The following INPP4B variants were observed in gnomAD, a reference collection of about 807,000 sequenced individuals.
INPP4B encodes inositol polyphosphate-4-phosphatase type II B.
A neutral mutation model predicts 122.5 loss-of-function variants in INPP4B; 55 were observed. The observed-to-expected ratio is 0.45, with a 90% CI of 0.36 to 0.56. The LOEUF (loss-of-function observed/expected upper bound fraction) is 0.56, where lower values mean the gene tolerates loss of function less well. INPP4B is among the 20% of genes least tolerant of loss of function. The pLI is 0.00. For synonymous variants in INPP4B, 403 were observed against 388.7 expected, an observed-to-expected ratio of 1.04 and a Z score of -0.43; for missense variants, 1,000 against 1,097.7, an observed-to-expected ratio of 0.91 and a Z score of 1.26.
intron 3 of INPP4B, among the ~76,000 whole-genome samples, chr4:142,453,074 CTG>C (rs765421020): frequency 3.9e-5 from 6 of 152,074 alleles, no homozygotes; most frequent in Non-Finnish European, 7.4e-5. Flanking sequence ...TTCAAACAAA[CTG>C]AAAATTCCAA....
chr4:142,700,626 C>A (rs1761623288), intron 2 of INPP4B, among the ~76,000 whole-genome samples: 1 of 152,004 alleles, frequency 6.6e-6, no homozygotes, highest in Non-Finnish European at 1.5e-5. Context: ...TCATTGTACA[C>A]TTGCCCAATT....
chr4:142,092,105 A>C (rs1197634461), intron 23 of INPP4B, among the ~76,000 whole-genome samples: 2 of 152,174 alleles, frequency 1.3e-5, no homozygotes, highest in Non-Finnish European at 2.9e-5. Context: ...AGGATATGCA[A>C]GTGGCCTGTG....
chr4:142,134,819 A>C (rs1803215756), intron 18 of INPP4B, among the ~76,000 whole-genome samples: 1 of 151,108 alleles, frequency 6.6e-6, no homozygotes. Context: ...AAAAAAAAAA[A>C]AAAAGTTGTT....
At chr4:142,074,608 T>C (rs566772074) in intron 25 of INPP4B, among the ~76,000 whole-genome samples, 2 of 152,102 alleles carry the variant, frequency 1.3e-5, no homozygotes, top group Non-Finnish European at 2.9e-5. Flanking sequence ...TAATCAGATG[T>C]TGGTAAAACA....
intron 7 of INPP4B, among the ~76,000 whole-genome samples, chr4:142,390,218 G>A (rs1797228753): frequency 6.6e-6 from 1 of 152,108 alleles, no homozygotes; most frequent in Non-Finnish European, 1.5e-5. Flanking sequence ...TAATGCAAGG[G>A]TGAAATTTGG....
chr4:142,315,998 T>C (rs1767488276), intron 7 of INPP4B, among the ~76,000 whole-genome samples: 1 of 152,056 alleles, frequency 6.6e-6, no homozygotes, highest in South Asian at 2.1e-4. Context: ...AAGACTTGAA[T>C]CAGCTCCTCA....
At chr4:142,042,621 G>A (rs1002225511) in intron 25 of INPP4B, among the ~76,000 whole-genome samples, 1 of 151,680 alleles carries the variant, frequency 6.6e-6, no homozygotes, top group African/African-American at 2.4e-5. Flanking sequence ...GGAGTGCAGT[G>A]ATGCGATCTC....
At chr4:142,123,057 A>C (rs991616066) in intron 20 of INPP4B, among the ~76,000 whole-genome samples, 1 of 152,128 alleles carries the variant, frequency 6.6e-6, no homozygotes, top group African/African-American at 2.4e-5. Context: ...ATATTAAAAA[A>C]GCCAGATGGC....
chr4:142,051,966 A>G (rs1320562938), intron 25 of INPP4B, among the ~76,000 whole-genome samples: 5 of 152,032 alleles, frequency 3.3e-5, no homozygotes, highest in Non-Finnish European at 7.4e-5. Context: ...TGGATTCCTT[A>G]TAGTTATAAG....
At chr4:142,491,618 T>C (rs1821887195) in intron 2 of INPP4B, among the ~76,000 whole-genome samples, 3 of 152,216 alleles carry the variant, frequency 2.0e-5, no homozygotes, top group South Asian at 2.1e-4. Flanking sequence ...GATTGTGCCA[T>C]TGCACTCCAG....
At chr4:142,738,859 C>T (rs1391045732) in intron 1 of INPP4B, among the ~76,000 whole-genome samples, 1 of 152,106 alleles carries the variant, frequency 6.6e-6, no homozygotes, top group Non-Finnish European at 1.5e-5. Context: ...TGATTTTATA[C>T]TATCTGCTGT....
intron 2 of INPP4B, among the ~76,000 whole-genome samples, chr4:142,531,415 T>A (rs1827596837): frequency 6.6e-6 from 1 of 152,132 alleles, no homozygotes; most frequent in Non-Finnish European, 1.5e-5. Flanking sequence ...AGGGAAGTGT[T>A]AGATATCAGT....
intron 16 of INPP4B, among the ~76,000 whole-genome samples, chr4:142,168,281 T>C (rs1167096910): frequency 6.6e-6 from 1 of 151,576 alleles, no homozygotes; most frequent in African/African-American, 2.4e-5. Context: ...CCTCTCTCCC[T>C]TTTTTGTCAT....
intron 5 of INPP4B, among the ~76,000 whole-genome samples, chr4:142,413,162 G>A (rs1804958438): frequency 6.6e-6 from 1 of 152,146 alleles, no homozygotes; most frequent in African/African-American, 2.4e-5. Flanking sequence ...ATTAGAAAAT[G>A]TGTGGGTTTT....
intron 1 of INPP4B, among the ~76,000 whole-genome samples, chr4:142,735,081 A>G (rs182762249): frequency 2.0e-5 from 3 of 152,322 alleles, no homozygotes; most frequent in Admixed American, 1.3e-4. Flanking sequence ...CCTGAAGACA[A>G]CAGCAGTCTT....
intron 17 of INPP4B, among the ~76,000 whole-genome samples, chr4:142,154,152 C>T (rs563864851): frequency 3.3e-5 from 5 of 151,852 alleles, no homozygotes; most frequent in Non-Finnish European, 7.4e-5. Flanking sequence ...TTTGAGTGTT[C>T]CCTCCTCCTT....
At chr4:142,618,664 T>C (rs1744212132) in intron 2 of INPP4B, among the ~76,000 whole-genome samples, 3 of 152,062 alleles carry the variant, frequency 2.0e-5, no homozygotes, top group Non-Finnish European at 2.9e-5. Flanking sequence ...CTTCATAACA[T>C]TGGTCTTGAC....
chr4:142,368,031 C>T lies in INPP4B; in HGVS notation c.372+34907G>A, dbSNP rs79677934. 5.4e-3 allele frequency among the ~76,000 whole-genome samples: 825 copies of T among 152,240 alleles called. 8 individuals carry two copies. The highest frequency in any genetic ancestry group is 7.8e-3 in the Non-Finnish European group (532 of 68,002). ...CAAACATCCAAAAGGCTCACCGTTG[C>T]CTGAAGTAACTTTTCTACTAAGCCA... On this transcript the variant is annotated intron_variant, in intron 7 of 25. Transcript: ENST00000262992.
At chr4:142,553,727 TC>T (rs1445648945) in intron 2 of INPP4B, among the ~76,000 whole-genome samples, 1 of 152,182 alleles carries the variant, frequency 6.6e-6, no homozygotes, top group African/African-American at 2.4e-5. Context: ...ACTTCCTTAC[TC>T]CCCATTGGTG....
Sources: allele counts gnomAD v4.1 joint callset (sites outside exome capture counted in the v4.1 genomes callset), GRCh38; gene constraint gnomAD v4.1.1; transcripts MANE v1.5; gene names NCBI Gene and HGNC (gene_info 2026-07-23, HGNC 2026-07-21).